Variants in ATP11C observed in about 807,000 individuals in gnomAD.
The protein encoded by ATP11C is ATPase phospholipid transporting 11C (ATP11C blood group).
Under a neutral mutation model 97.4 loss-of-function variants are expected in ATP11C, and 36 were observed. The observed-to-expected ratio is 0.37, with a 90% CI of 0.28 to 0.49. The LOEUF (loss-of-function observed/expected upper bound fraction) is 0.49. Among genes scored for constraint, ATP11C ranks in the 20% least tolerant of loss-of-function variants. The pLI is 0.98. For missense variants in ATP11C, 730 were observed against 824.6 expected, an observed-to-expected ratio of 0.89 and a Z score of 1.40; for synonymous variants, 275 against 290.9, an observed-to-expected ratio of 0.95 and a Z score of 0.56.
chrX:139,849,148 T>C (rs1196647893), intron 1 of ATP11C, among the ~76,000 whole-genome samples: 3 of 111,239 alleles, frequency 2.7e-5, no homozygotes, highest in Non-Finnish European at 5.7e-5. Flanking sequence ...ACATCAGCTC[T>C]TTCCTTCCAG....
chrX:139,743,653 C>T, intron 25 of ATP11C, 29 bp from the exon 26 acceptor site: 1 of 884,426 alleles, frequency 1.1e-6, no homozygotes, highest in Non-Finnish European at 1.6e-6. Flanking sequence ...TTACATGTAC[C>T]ATGTATATAC....
chrX:139,818,561 C>T, intron 3 of ATP11C, among the ~76,000 whole-genome samples: 1 of 111,847 alleles, frequency 8.9e-6, no homozygotes, highest in Non-Finnish European at 1.9e-5. Flanking sequence ...TTAAAATAGG[C>T]TCTTGCCCAT....
chrX:139,830,030 C>G (rs2083612002), intron 1 of ATP11C, among the ~76,000 whole-genome samples: 1 of 111,555 alleles, frequency 9.0e-6, no homozygotes, highest in Non-Finnish European at 1.9e-5. Flanking sequence ...TAGATAAGAA[C>G]TGAAGAAAAA....
intron 1 of ATP11C, among the ~76,000 whole-genome samples, chrX:139,925,133 C>T (rs2085330901): frequency 9.0e-6 from 1 of 111,482 alleles, no homozygotes; most frequent in Admixed American, 9.6e-5. Context: ...TAAATATTTC[C>T]GTGTTTACTA....
chrX:139,849,829 G>T (rs1020312830), intron 1 of ATP11C, among the ~76,000 whole-genome samples: 1 of 112,380 alleles, frequency 8.9e-6, no homozygotes, highest in South Asian at 3.7e-4. Flanking sequence ...CCCATTAATG[G>T]ATTAATGTCA....
Position 139,878,544 on chromosome X carries a change from A to G in ATP11C, c.28-51721T>C, listed in dbSNP as rs1359054683. ...ATGGATTACATAGATTCATTCATTC[A>G]AAGAACATTTATTGAGCACCTACAA... is the stretch of plus-strand genomic sequence containing the variant. On this transcript the variant is annotated intron_variant, in intron 1 of 29. Coordinates refer to ENST00000682941, the MANE Select transcript of ATP11C (RefSeq NM_001353812.2). Among the ~76,000 whole-genome samples the G allele has an allele frequency of 2.7e-5, 3 of 112,271 alleles. No individual in the cohort carries two copies. In the East Asian group the frequency reaches 8.4e-4, roughly 31 times the overall value.
intron 18 of ATP11C, among the ~76,000 whole-genome samples, chrX:139,776,973 C>T (rs1462628786): frequency 9.0e-6 from 1 of 111,506 alleles, no homozygotes; most frequent in East Asian, 2.8e-4. Context: ...AACAATCATA[C>T]ACAACATATA....
At chrX:139,826,958 T>G in intron 1 of ATP11C, 135 bp from the exon 2 acceptor site, 1 of 614,725 alleles carries the variant, frequency 1.6e-6, no homozygotes, top group East Asian at 4.0e-5. Context: ...AAAACCTTGT[T>G]AGGGAATTCA....
At chrX:139,916,676 T>C (rs776466466) in intron 1 of ATP11C, among the ~76,000 whole-genome samples, 7 of 110,859 alleles carry the variant, frequency 6.3e-5, no homozygotes, top group Admixed American at 2.9e-4. Context: ...ACCAGGAATA[T>C]ACAGTATATA....
intron 23 of ATP11C, among the ~76,000 whole-genome samples, chrX:139,752,746 C>A (rs1418354427): frequency 8.9e-6 from 1 of 112,021 alleles, no homozygotes; most frequent in Admixed American, 9.4e-5. Flanking sequence ...ACATTTTGCT[C>A]AATAGCAATT....
At chrX:139,913,840 G>A (rs759329124) in intron 1 of ATP11C, among the ~76,000 whole-genome samples, 1 of 111,605 alleles carries the variant, frequency 9.0e-6, no homozygotes, top group Admixed American at 9.6e-5. Context: ...ACACGGACGC[G>A]AGTGAAACAG....
chrX:139,759,964 T>C (rs2082005328), intron 22 of ATP11C, among the ~76,000 whole-genome samples: 1 of 112,139 alleles, frequency 8.9e-6, no homozygotes, highest in Admixed American at 9.4e-5. Flanking sequence ...CAGATCTGTA[T>C]GACAAATCTT....
chrX:139,741,246 G>A (rs1374137042), intron 26 of ATP11C, 152 bp from the exon 27 acceptor site: 2 of 440,220 alleles, frequency 4.5e-6, no homozygotes, highest in Non-Finnish European at 8.1e-6. Context: ...ACAGAACCCA[G>A]GTTTTTCAAA....
intron 1 of ATP11C, among the ~76,000 whole-genome samples, chrX:139,898,651 C>A (rs1172545549): frequency 9.0e-6 from 1 of 111,440 alleles, no homozygotes; most frequent in African/African-American, 3.3e-5. Flanking sequence ...CTAAAATATT[C>A]ATTTTAATGT....
chrX:139,749,281 G>T (rs913909942), intron 24 of ATP11C, among the ~76,000 whole-genome samples: 1 of 111,722 alleles, frequency 9.0e-6, no homozygotes, highest in African/African-American at 3.3e-5. Flanking sequence ...TATGAGTCAT[G>T]CTGGTTAAAA....
intron 1 of ATP11C, among the ~76,000 whole-genome samples, chrX:139,914,649 A>T (rs1389521008): frequency 1.8e-5 from 2 of 111,752 alleles, no homozygotes; most frequent in Non-Finnish European, 1.9e-5. Context: ...GCCTGAGTAG[A>T]ACAAAAAGGC....
intron 1 of ATP11C, among the ~76,000 whole-genome samples, chrX:139,865,152 T>C (rs1280309067): frequency 2.7e-5 from 3 of 111,609 alleles, no homozygotes; most frequent in Non-Finnish European, 5.6e-5. Flanking sequence ...TGAGGCAGGA[T>C]TGCTTGAGCC....
intron 1 of ATP11C, among the ~76,000 whole-genome samples, chrX:139,870,109 T>C (rs1037887364): frequency 1.8e-5 from 2 of 111,378 alleles, no homozygotes; most frequent in Non-Finnish European, 3.8e-5. Context: ...TTGGAGGCAA[T>C]AGATATGTTT....
At chrX:139,888,855 C>T (rs1044274714) in intron 1 of ATP11C, among the ~76,000 whole-genome samples, 1 of 109,911 alleles carries the variant, frequency 9.1e-6, no homozygotes, top group East Asian at 2.9e-4. Flanking sequence ...GTTGCCCAGG[C>T]TGGAGTGCAG....
Sources: gnomAD v4.1 joint callset for allele counts (sites outside exome capture counted in the v4.1 genomes callset) on GRCh38, gnomAD v4.1.1 for gene constraint, MANE v1.5 for transcripts, NCBI Gene and HGNC (gene_info 2026-07-23, HGNC 2026-07-21) for gene names.